The following EVC2 variants were observed in gnomAD, a reference collection of about 807,000 sequenced individuals.
EVC2 encodes limbin.
A neutral mutation model predicts 149.3 loss-of-function variants in EVC2; 148 were observed. That is an observed-to-expected ratio of 0.99 (90% confidence interval 0.87 to 1.14). The LOEUF is 1.14. Among genes scored for constraint, EVC2 ranks in the 50% most tolerant of loss-of-function variants. The probability of loss-of-function intolerance (pLI) is 0.00; values close to 1 mark genes in which losing one functional copy is unlikely to be tolerated. For missense variants in EVC2, 1,854 were observed against 1,627.3 expected (o/e 1.14, Z -2.40); for synonymous variants, 776 against 649.9 (o/e 1.19, Z -2.95).
At chr4:5,646,569 C>T (rs1717733670) in intron 9 of EVC2, among the ~76,000 whole-genome samples, 1 of 152,154 alleles carries the variant, frequency 6.6e-6, no homozygotes, top group Non-Finnish European at 1.5e-5. Flanking sequence ...AATTCTGTTA[C>T]TCTGACATAA....
At chr4:5,610,260 A>T (rs2108821410) in intron 16 of EVC2, among the ~76,000 whole-genome samples, 1 of 152,280 alleles carries the variant, frequency 6.6e-6, no homozygotes, top group African/African-American at 2.4e-5. Flanking sequence ...ACATACATAC[A>T]TATACCTCTA....
chr4:5,563,200 T>G, intron 21 of EVC2, 85 bp from the exon 22 acceptor site: 2 of 1,368,548 alleles, frequency 1.5e-6, no homozygotes, highest in East Asian at 4.6e-5. Context: ...GAATCCCTCC[T>G]TGGGTCCTGA....
At chr4:5,656,792 C>T (rs746589491) in intron 9 of EVC2, among the ~76,000 whole-genome samples, 13 of 152,178 alleles carry the variant, frequency 8.5e-5, no homozygotes, top group Non-Finnish European at 1.8e-4. Flanking sequence ...AACAGTGACA[C>T]GGTGAGTTTC....
intron 1 of EVC2, chr4:5,708,077 C>T (rs1722332269): frequency 2.3e-6 from 1 of 439,390 alleles, no homozygotes; most frequent in Middle Eastern, 4.9e-4. Context: ...AAGCCGGCAG[C>T]TGCCACACCC....
At chr4:5,608,983 C>G (rs2108819859) in intron 16 of EVC2, among the ~76,000 whole-genome samples, 1 of 152,176 alleles carries the variant, frequency 6.6e-6, no homozygotes, top group East Asian at 1.9e-4. Context: ...TCCATCTTCT[C>G]CTTGCCCTTG....
chr4:5,543,939 T>C (rs1721564709), intron 21 of EVC2, among the ~76,000 whole-genome samples: 1 of 152,154 alleles, frequency 6.6e-6, no homozygotes, highest in African/African-American at 2.4e-5. Context: ...AGGGCCATCA[T>C]GAGGAGACCC....
At chr4:5,552,822 C>T (rs1721766168) in intron 21 of EVC2, among the ~76,000 whole-genome samples, 1 of 152,092 alleles carries the variant, frequency 6.6e-6, no homozygotes, top group African/African-American at 2.4e-5. Context: ...GGTAGAGAGA[C>T]AAAGAACACT....
chr4:5,659,504 G>A (rs1418418405), intron 9 of EVC2, among the ~76,000 whole-genome samples: 1 of 152,090 alleles, frequency 6.6e-6, no homozygotes. Flanking sequence ...TGGGACGGGA[G>A]GGAGGATGGG....
At chr4:5,577,913 C>T (rs189082525) in intron 17 of EVC2, among the ~76,000 whole-genome samples, 4 of 152,272 alleles carry the variant, frequency 2.6e-5, no homozygotes, top group East Asian at 3.9e-4. Context: ...CCCACGTCTA[C>T]CCAGATGCCA....
chr4:5,620,061 T>C (rs1342285036), intron 14 of EVC2, among the ~76,000 whole-genome samples: 1 of 152,190 alleles, frequency 6.6e-6, no homozygotes, highest in Non-Finnish European at 1.5e-5. Context: ...GAATGAGACC[T>C]TCAGAGACCA....
intron 21 of EVC2, among the ~76,000 whole-genome samples, chr4:5,553,933 C>G (rs1013710267): frequency 6.6e-6 from 1 of 152,102 alleles, no homozygotes; most frequent in African/African-American, 2.4e-5. Flanking sequence ...AACAAAAGTT[C>G]ATCAACAGTA....
the EVC2 span, among the ~76,000 whole-genome samples, chr4:5,536,356 C>A: frequency 4.0e-5 from 6 of 151,880 alleles, no homozygotes; most frequent in Non-Finnish European, 1.5e-5. Context: ...ATAAGAAATA[C>A]ATTTAATAAT....
chr4:5,708,137 A>T, intron 1 of EVC2, 149 bp downstream of exon 1: 1 of 631,230 alleles, frequency 1.6e-6, no homozygotes, highest in Non-Finnish European at 2.4e-6. Flanking sequence ...TGAGCGGGAT[A>T]CACCTAAGGG....
chr4:5,593,166 T>C (rs571680055), intron 16 of EVC2, among the ~76,000 whole-genome samples: 31 of 152,298 alleles, frequency 2.0e-4, no homozygotes, highest in African/African-American at 7.2e-4. Context: ...CTTTCCATTA[T>C]AAATCACCCA....
At chr4:5,641,329 T>C (rs1717315045) in intron 9 of EVC2, among the ~76,000 whole-genome samples, 1 of 152,182 alleles carries the variant, frequency 6.6e-6, no homozygotes, top group African/African-American at 2.4e-5. Flanking sequence ...TGATACATAA[T>C]CACACTGTAT....
At chr4:5,543,230 C>A in intron 21 of EVC2, 2 of 1,288,824 alleles carry the variant, frequency 1.6e-6, no homozygotes, top group Non-Finnish European at 1.0e-6. Context: ...AGGATACAAT[C>A]CTGGTCTAAC....
chr4:5,652,669 C>A (rs976140384), intron 9 of EVC2, among the ~76,000 whole-genome samples: 9 of 152,122 alleles, frequency 5.9e-5, no homozygotes, highest in African/African-American at 1.9e-4. Flanking sequence ...GGAGGGTCTG[C>A]AGCCTTAGAT....
At chr4:5,565,233 C>G (rs1302884456) in intron 21 of EVC2, 25 bp downstream of exon 21, 4 of 1,609,986 alleles carry the variant, frequency 2.5e-6, no homozygotes, top group Non-Finnish European at 3.4e-6. Flanking sequence ...CCTCCCCAGC[C>G]ACATGAGCAG....
At chr4:5,667,822 A>G (rs1209888495) in intron 7 of EVC2, among the ~76,000 whole-genome samples, 4 of 152,186 alleles carry the variant, frequency 2.6e-5, no homozygotes, top group Admixed American at 1.3e-4. Context: ...CATGTACCAA[A>G]ATTTCATACT....
Sources: gnomAD v4.1 joint callset for allele counts (sites outside exome capture counted in the v4.1 genomes callset) on GRCh38, gnomAD v4.1.1 for gene constraint, MANE v1.5 for transcripts, NCBI Gene and HGNC (gene_info 2026-07-23, HGNC 2026-07-21) for gene names.